ZNF423: variants seen among roughly 807,000 people sequenced by gnomAD.
The protein encoded by ZNF423 is Ebf-associated zinc finger protein.
In ZNF423, 12 loss-of-function variants were observed where a neutral mutation model predicts 95.8. That is an observed-to-expected ratio of 0.13 (90% CI 0.08 to 0.20). ZNF423 has a LOEUF of 0.20. Among genes scored for constraint, ZNF423 ranks in the 10% least tolerant of loss-of-function variants. The probability of loss-of-function intolerance (pLI) is 1.00; values close to 1 mark genes in which losing one functional copy is unlikely to be tolerated. For synonymous variants in ZNF423, 749 were observed against 711.9 expected (o/e 1.05, Z -0.83); for missense variants, 1,316 against 1,737.1 (o/e 0.76, Z 4.31).
chr16:49,756,721 T>A (rs2143608958), intron 2 of ZNF423, among the ~76,000 whole-genome samples: 1 of 152,052 alleles, frequency 6.6e-6, no homozygotes, highest in African/African-American at 2.4e-5. Flanking sequence ...CATCACCACC[T>A]CCCAGGGCAC....
intron 7 of ZNF423, among the ~76,000 whole-genome samples, chr16:49,500,777 G>A (rs186385116): frequency 2.8e-4 from 42 of 151,886 alleles, no homozygotes; most frequent in African/African-American, 7.5e-4. Context: ...GTGTGGTGGC[G>A]TGTGCCTGTA....
chr16:49,627,732 A>G (rs1175715638), intron 4 of ZNF423, among the ~76,000 whole-genome samples: 1 of 137,238 alleles, frequency 7.3e-6, no homozygotes, highest in Non-Finnish European at 1.6e-5. Context: ...TCCATCTTCT[A>G]TCTACCCGCC....
At chr16:49,644,913 G>A (rs368433152) in intron 3 of ZNF423, among the ~76,000 whole-genome samples, 14 of 152,200 alleles carry the variant, frequency 9.2e-5, no homozygotes, top group East Asian at 5.8e-4. Context: ...CTGGGGCAAC[G>A]GGCAGAGAGT....
At chr16:49,575,654 G>A (rs2151794089) in intron 5 of ZNF423, among the ~76,000 whole-genome samples, 1 of 152,316 alleles carries the variant, frequency 6.6e-6, no homozygotes, top group East Asian at 1.9e-4. Flanking sequence ...ACAGAGGCCA[G>A]GCTGGAGGGC....
At chr16:49,517,318 C>T (rs866503548) in intron 7 of ZNF423, among the ~76,000 whole-genome samples, 2 of 152,178 alleles carry the variant, frequency 1.3e-5, no homozygotes, top group African/African-American at 4.8e-5. Flanking sequence ...TCTGAGTTGG[C>T]GCCCACTGCC....
intron 1 of ZNF423, among the ~76,000 whole-genome samples, chr16:49,834,742 C>A (rs2035098387): frequency 6.6e-6 from 1 of 152,104 alleles, no homozygotes; most frequent in African/African-American, 2.4e-5. Context: ...TCCCTGGGGC[C>A]GGGCCGGCTC....
chr16:49,595,836 GTAAA>G, intron 5 of ZNF423, among the ~76,000 whole-genome samples: 1 of 152,146 alleles, frequency 6.6e-6, no homozygotes, highest in East Asian at 1.9e-4. Context: ...AAACAGTTTA[GTAAA>G]TAGTTATTAC....
At chr16:49,545,552 G>A (rs537425356) in intron 5 of ZNF423, among the ~76,000 whole-genome samples, 24 of 152,160 alleles carry the variant, frequency 1.6e-4, no homozygotes, top group Non-Finnish European at 2.8e-4. Context: ...GTTCAGCACC[G>A]AGCCTCCGAC....
chr16:49,586,714 G>A (rs533983878), intron 5 of ZNF423, among the ~76,000 whole-genome samples: 1 of 152,288 alleles, frequency 6.6e-6, no homozygotes, highest in African/African-American at 2.4e-5. Flanking sequence ...CAACTGCCTC[G>A]CTGCAGGACT....
At chr16:49,842,402 A>C (rs555457644) in intron 1 of ZNF423, among the ~76,000 whole-genome samples, 1 of 127,330 alleles carries the variant, frequency 7.9e-6, no homozygotes, top group Admixed American at 8.0e-5. Context: ...GGAAGGAAGG[A>C]AGGAAGGAAG....
chr16:49,628,211 A>G (rs1410886161), intron 4 of ZNF423, among the ~76,000 whole-genome samples: 1 of 145,068 alleles, frequency 6.9e-6, no homozygotes, highest in Non-Finnish European at 1.5e-5. Flanking sequence ...TCATCTACCC[A>G]CCCATTTATC....
intron 3 of ZNF423, among the ~76,000 whole-genome samples, chr16:49,700,783 G>T (rs549660089): frequency 6.6e-6 from 1 of 152,162 alleles, no homozygotes. Flanking sequence ...CCTCTGCTGG[G>T]CCCACGGGAC....
At chr16:49,544,110 A>C (rs1218047090) in intron 5 of ZNF423, among the ~76,000 whole-genome samples, 1 of 152,230 alleles carries the variant, frequency 6.6e-6, no homozygotes, top group African/African-American at 2.4e-5. Context: ...CTGTTTATTC[A>C]ACAAATGCCA....
rs1176884164 is a variant in ZNF423 at position 49,638,352 on chromosome 16, T to C, written c.824A>G (p.Tyr275Cys). 7 of 1,613,988 alleles carry C rather than the reference T, an allele frequency of 4.3e-6. No homozygotes were observed. Among genetic ancestry groups the C allele is most frequent in the Non-Finnish European group, 5.9e-6 (7 of 1,180,050 alleles). The change falls in exon 4 of 8, where the codon TAC (tyrosine) becomes TGC (cysteine). Residue 275 changes from tyrosine to cysteine, a missense_variant. Tyr to Cys is a radical substitution (Grantham distance 194). Around this residue, in one of 6 missense-constraint regions of ZNF423, gnomAD observed 399 missense variants for 478.5 expected, o/e 0.83. Transcript: ENST00000563137. The surrounding 1 kb of genome is among the most constrained non-coding windows in gnomAD (Gnocchi z 5.6). The part of the protein sequence containing the change: ...EAKKDDFMCD[Y>C]CEDTFSQTEE... ...CGTCTGGCTGAAGGTGTCCTCGCAG[T>C]AGTCGCACATGAAGTCGTCCTTCTT...
intron 5 of ZNF423, among the ~76,000 whole-genome samples, chr16:49,625,031 C>T (rs1351319655): frequency 1.3e-5 from 2 of 152,218 alleles, no homozygotes; most frequent in African/African-American, 4.8e-5. Flanking sequence ...GATGGCATAG[C>T]TGTTAAGACA....
intron 5 of ZNF423, among the ~76,000 whole-genome samples, chr16:49,546,828 A>G (rs1969459826): frequency 6.6e-6 from 1 of 152,178 alleles, no homozygotes; most frequent in South Asian, 2.1e-4. Context: ...CCTGTGAAAG[A>G]GAATTCATTC....
intron 2 of ZNF423, among the ~76,000 whole-genome samples, chr16:49,785,093 G>A (rs978531626): frequency 6.6e-6 from 1 of 151,918 alleles, no homozygotes; most frequent in Non-Finnish European, 1.5e-5. Context: ...TTCAGAGGCA[G>A]GCAGGCAAGT....
chr16:49,603,598 C>T lies in ZNF423; in HGVS notation c.3601+22572G>A, dbSNP rs901482935. Among the ~76,000 whole-genome samples the T allele has an allele frequency of 6.6e-6, 1 of 152,074 alleles. No homozygotes were observed. On this transcript the variant is annotated intron_variant, in intron 5 of 7. Transcript: ENST00000563137. The surrounding 1 kb of genome is among the most constrained non-coding windows in gnomAD (Gnocchi z 4.1). ...CTAATTTTTGTGTTTTTAGTAGAGACGCGGTTTCACCATGTTGGCCAGGCT... is the reference window on the plus strand; with the variant it reads ...CTAATTTTTGTGTTTTTAGTAGAGATGCGGTTTCACCATGTTGGCCAGGCT...
rs148903943 is a variant in ZNF423 at position 49,713,859 on chromosome 16, G to A, written c.301+16912C>T. On this transcript the variant is annotated intron_variant, in intron 3 of 7. Coordinates refer to ENST00000563137, the MANE Select transcript of ZNF423 (RefSeq NM_001379286.1). ...ACACGCAGGCCCAGAGAATGTGGGC[G>A]AAGAGGGAATCTTCCAGTAACTCAC... is the stretch of plus-strand genomic sequence containing the variant. Among the ~76,000 whole-genome samples, 711 of 152,308 alleles carry A rather than the reference G, an allele frequency of 4.7e-3. 6 individuals carry two copies. Among genetic ancestry groups the A allele is most frequent in the African/African-American group, 0.016 (669 of 41,556 alleles).
Sources: allele counts gnomAD v4.1 joint callset (sites outside exome capture counted in the v4.1 genomes callset), GRCh38; gene constraint gnomAD v4.1.1; regional missense constraint gnomAD v4.1.1; non-coding constraint Gnocchi (gnomAD v3.1); transcripts MANE v1.5; gene names NCBI Gene and HGNC (gene_info 2026-07-23, HGNC 2026-07-21).